The following MIOS variants were observed in gnomAD, a reference collection of about 807,000 sequenced individuals.
MIOS encodes GATOR2 complex protein MIOS.
A neutral mutation model predicts 96.9 loss-of-function variants in MIOS; 52 were observed. The ratio of observed to expected loss-of-function variants is 0.54; its 90% CI spans 0.43 to 0.68. MIOS has a LOEUF of 0.68. MIOS is among the 30% of genes least tolerant of loss of function. The pLI, the probability that MIOS is intolerant of heterozygous loss-of-function variation, is 0.00. For missense variants in MIOS, 1,005 were observed against 1,052.8 expected (o/e 0.95, Z 0.63); for synonymous variants, 397 against 359.5 (o/e 1.10, Z -1.18).
Position 7,583,329 on chromosome 7 carries a change from C to T in MIOS, c.1605C>T (p.Arg535=). Residue 535 remains arginine, a synonymous_variant, in exon 6 of 13, where the codon CGC becomes CGT. Coordinates refer to ENST00000340080, the MANE Select transcript of MIOS (RefSeq NM_019005.4). The part of the protein sequence containing the change: ...AAVALFNLDI[R]RAIQILNEGA... ...TGGCATTGTTCAACTTGGATATTCG[C>T]CGAGCAATCCAAATCCTGAATGAAG... is the stretch of plus-strand genomic sequence containing the variant. 1 of 1,613,356 alleles carries T rather than the reference C, an allele frequency of 6.2e-7. No homozygotes were observed. The highest frequency in any genetic ancestry group is 8.5e-7 in the Non-Finnish European group (1 of 1,179,572).
chr7:7,592,087 C>G (rs7784747), intron 9 of MIOS, among the ~76,000 whole-genome samples: 1 of 151,838 alleles, frequency 6.6e-6, no homozygotes, highest in Admixed American at 6.6e-5. Context: ...TTCAAGCATT[C>G]GAGTGATTCT....
intron 9 of MIOS, among the ~76,000 whole-genome samples, chr7:7,594,454 C>A (rs1554301519): frequency 6.6e-6 from 1 of 152,136 alleles, no homozygotes; most frequent in Non-Finnish European, 1.5e-5. Flanking sequence ...GCCACCACAC[C>A]TGGCTAATTT....
At chr7:7,591,224 C>T (rs1784039361) in intron 9 of MIOS, among the ~76,000 whole-genome samples, 1 of 151,252 alleles carries the variant, frequency 6.6e-6, no homozygotes. Context: ...GTCTTCTGGC[C>T]TCTGTTGTTT....
intron 3 of MIOS, among the ~76,000 whole-genome samples, chr7:7,571,828 G>C (rs1017378071): frequency 1.3e-5 from 2 of 152,178 alleles, no homozygotes; most frequent in Non-Finnish European, 2.9e-5. Context: ...AGAAACCGCT[G>C]TCTTAGTATG....
In MIOS at chr7:7,594,580, C is replaced by T. The variant is rs181287189; in HGVS notation, c.2044-400C>T. On this transcript the variant is annotated intron_variant, in intron 9 of 12. Coordinates refer to ENST00000340080, the MANE Select transcript of MIOS (RefSeq NM_019005.4). ...AAAGTGCTGAGATTACAGGCATGAGCCATCACGCCCAGCCTGTATTACATT... is the reference window on the plus strand; with the variant it reads ...AAAGTGCTGAGATTACAGGCATGAGTCATCACGCCCAGCCTGTATTACATT... 2.9e-4 allele frequency among the ~76,000 whole-genome samples: 44 copies of T among 152,300 alleles called. No homozygotes were observed. In the East Asian group the frequency reaches 8.1e-3, roughly 28 times the overall value.
At position 7,573,744 on chromosome 7, in the gene MIOS, C is replaced by T. The variant is rs747449074; in HGVS notation, c.1269C>T (p.Leu423=). 1 of 1,609,878 alleles carries T rather than the reference C, an allele frequency of 6.2e-7. No homozygotes were observed. Among genetic ancestry groups the T allele is most frequent in the Non-Finnish European group, 8.5e-7 (1 of 1,177,672 alleles). Residue 423 remains leucine (L), a synonymous_variant, in exon 4 of 13, where the codon CTC becomes CTT. Transcript: ENST00000340080. This position sits in a 1 kb window ranked among gnomAD's most constrained non-coding sequence, Gnocchi z 5.0. ...TAGCTGGAAATGAAGATCCACAGCT[C>T]AAGTCACTCTGGTATACTCTGCACT... ...HILAGNEDPQ[L]KSLWYTLHFM...
intron 5 of MIOS, among the ~76,000 whole-genome samples, chr7:7,578,858 A>G (rs1212810024): frequency 6.6e-6 from 1 of 151,968 alleles, no homozygotes; most frequent in Non-Finnish European, 1.5e-5. Flanking sequence ...TTACAGGCGC[A>G]TGCCATTACA....
intron 9 of MIOS, among the ~76,000 whole-genome samples, chr7:7,592,035 C>T (rs1015724054): frequency 6.6e-6 from 1 of 151,250 alleles, no homozygotes; most frequent in Admixed American, 6.6e-5. Flanking sequence ...GGCTGGAGTG[C>T]AGTGGCACAA....
chr7:7,594,670 C>T (rs549841279), intron 9 of MIOS, among the ~76,000 whole-genome samples: 38 of 152,100 alleles, frequency 2.5e-4, no homozygotes, highest in Non-Finnish European at 4.4e-4. Flanking sequence ...AAAGGGTATT[C>T]GTATCACTGT....
intron 7 of MIOS, 64 bp downstream of exon 7, chr7:7,585,869 T>C: frequency 7.3e-7 from 1 of 1,364,874 alleles, no homozygotes. Context: ...TCTAACTTTA[T>C]TAAAATTTTC....
intron 9 of MIOS, among the ~76,000 whole-genome samples, chr7:7,593,573 C>A (rs1784109502): frequency 6.6e-6 from 1 of 151,940 alleles, no homozygotes; most frequent in African/African-American, 2.4e-5. Flanking sequence ...AGGAAGATAT[C>A]CTGGACAGGG....
At chr7:7,601,638 G>A (rs1461079753) in intron 11 of MIOS, among the ~76,000 whole-genome samples, 1 of 152,132 alleles carries the variant, frequency 6.6e-6, no homozygotes, top group Non-Finnish European at 1.5e-5. Context: ...AACTCTACCA[G>A]AGGTACAAGG....
chr7:7,570,953 G>A (rs1225592015), intron 3 of MIOS, among the ~76,000 whole-genome samples: 1 of 152,180 alleles, frequency 6.6e-6, no homozygotes, highest in Admixed American at 6.5e-5. Context: ...AGTCTATGAA[G>A]TTTTAGACTG....
At position 7,582,634 on chromosome 7, in the gene MIOS, AGAAG is replaced by A. The variant is rs1022401753; in HGVS notation, c.1394-479_1394-476del. The A allele has an allele frequency of 7.1e-6, 7 of 979,058 alleles. No homozygotes were observed. In the African/African-American group the frequency reaches 1.2e-4, roughly 17 times the overall value. The allele number at this position is 979,058 out of a possible 1,614,324, so 60.6% of individuals were successfully genotyped here. On this transcript the variant is annotated intron_variant, in intron 5 of 12. Transcript: ENST00000340080. ...ATCTTGTTTTTTAATGTACAGAGAA[AGAAG>A]GAAGAAAGCAAGATCACTTCTACTG...
intron 7 of MIOS, among the ~76,000 whole-genome samples, chr7:7,587,264 C>T (rs770124222): frequency 6.6e-6 from 1 of 152,204 alleles, no homozygotes; most frequent in Admixed American, 6.5e-5. Context: ...GAATGATCCA[C>T]CTGACTTGGC....
intron 7 of MIOS, among the ~76,000 whole-genome samples, chr7:7,588,071 G>A (rs1029746729): frequency 9.2e-5 from 14 of 152,108 alleles, no homozygotes; most frequent in African/African-American, 3.1e-4. Context: ...TTGTGTACTG[G>A]TGTAGCCAAT....
At chr7:7,603,359 A>G (rs1204956570) in intron 11 of MIOS, among the ~76,000 whole-genome samples, 1 of 152,138 alleles carries the variant, frequency 6.6e-6, no homozygotes, top group Non-Finnish European at 1.5e-5. Context: ...GAACTGAAAC[A>G]AATTTACAAG....
chr7:7,588,204 A>G (rs537470087), intron 7 of MIOS, among the ~76,000 whole-genome samples: 2 of 152,276 alleles, frequency 1.3e-5, no homozygotes, highest in Admixed American at 6.5e-5. Flanking sequence ...ACTGTGCATC[A>G]TTGCTTATGT....
intron 11 of MIOS, chr7:7,605,093 C>T (rs1458230197): frequency 6.6e-6 from 1 of 152,096 alleles, no homozygotes; most frequent in East Asian, 1.9e-4. Context: ...GTCATGAAAG[C>T]GTGACCTGCA....
Sources: allele counts gnomAD v4.1 joint callset (sites outside exome capture counted in the v4.1 genomes callset), GRCh38; gene constraint gnomAD v4.1.1; non-coding constraint Gnocchi (gnomAD v3.1); transcripts MANE v1.5; gene names NCBI Gene and HGNC (gene_info 2026-07-23, HGNC 2026-07-21).